The following CFAP54 variants were observed in gnomAD, a reference collection of about 807,000 sequenced individuals.
The protein encoded by CFAP54 is cilia and flagella associated protein 54, also known as cilia- and flagella-associated protein 54.
CFAP54 carries 290 observed loss-of-function variants against 370.4 expected under a neutral mutation model. The observed-to-expected ratio is 0.78, with a 90% confidence interval of 0.71 to 0.86. CFAP54 has a LOEUF of 0.86. Ranked by LOEUF, CFAP54 falls within the 40% of genes least tolerant of loss-of-function variation. The probability of loss-of-function intolerance (pLI) is 0.00; values close to 1 mark genes in which losing one functional copy is unlikely to be tolerated. For synonymous variants in CFAP54, 1,206 were observed against 1,236.5 expected (o/e 0.98, Z 0.52); for missense variants, 3,399 against 3,528.7 (o/e 0.96, Z 0.93).
At chr12:96,677,441 A>G (rs557661542) in intron 39 of CFAP54, among the ~76,000 whole-genome samples, 4 of 152,230 alleles carry the variant, frequency 2.6e-5, no homozygotes, top group African/African-American at 7.2e-5. Context: ...GATAAAAGCC[A>G]AGCTCATGAA....
At chr12:96,859,421 G>GT (rs71078430) in intron 66 of CFAP54, among the ~76,000 whole-genome samples, 2,386 of 147,438 alleles carry the variant, frequency 0.016, 38 homozygotes, top group African/African-American at 0.037. Context: ...TTTGTTTTTT[G>GT]TTTTTTTTTT....
intron 2 of CFAP54, among the ~76,000 whole-genome samples, chr12:96,503,427 C>G (rs921053625): frequency 7.1e-6 from 1 of 140,578 alleles, no homozygotes; most frequent in African/African-American, 2.6e-5. Context: ...CTCCCTCCCT[C>G]CCTTCCTTCT....
intron 66 of CFAP54, among the ~76,000 whole-genome samples, chr12:96,852,902 A>G (rs1175966709): frequency 6.6e-6 from 1 of 152,140 alleles, no homozygotes; most frequent in Non-Finnish European, 1.5e-5. Flanking sequence ...TTAAAAACAT[A>G]GTATGGTGGT....
chr12:96,584,827 G>A (rs1207809824), intron 22 of CFAP54, among the ~76,000 whole-genome samples: 7 of 152,104 alleles, frequency 4.6e-5, no homozygotes, highest in East Asian at 1.9e-4. Context: ...CACCCTGTGC[G>A]TCTGCTTTCT....
intron 32 of CFAP54, among the ~76,000 whole-genome samples, chr12:96,635,372 A>G (rs115270579): frequency 0.012 from 1,796 of 152,236 alleles, 36 homozygotes; most frequent in African/African-American, 0.041. Context: ...TGATCGTGCG[A>G]TAAACTACAT....
chr12:96,794,918 G>T (rs768022415), intron 63 of CFAP54, among the ~76,000 whole-genome samples: 21 of 152,158 alleles, frequency 1.4e-4, no homozygotes, highest in Non-Finnish European at 2.5e-4. Context: ...AGATTCTTTT[G>T]TCCCATGGGG....
chr12:96,649,476 C>G (rs750392997), intron 34 of CFAP54, among the ~76,000 whole-genome samples: 2 of 152,010 alleles, frequency 1.3e-5, no homozygotes, highest in African/African-American at 4.8e-5. Flanking sequence ...GAGGGGAATG[C>G]GTGGCCGAGG....
intron 5 of CFAP54, among the ~76,000 whole-genome samples, chr12:96,514,242 C>T (rs1955206033): frequency 6.6e-6 from 1 of 152,104 alleles, no homozygotes; most frequent in South Asian, 2.1e-4. Flanking sequence ...CTTATTTCCT[C>T]AAAGCATAGC....
At position 96,657,863 on chromosome 12, in the gene CFAP54, TTC is replaced by T. The variant is rs748720918; in HGVS notation, c.5101-18_5101-17del. 6.7e-7 allele frequency: 1 copy of T among 1,491,946 alleles called. No homozygotes were observed. The highest frequency in any genetic ancestry group is 2.3e-5 in the East Asian group (1 of 43,448). The allele number at this position is 1,491,946 out of a possible 1,614,324, so 92.4% of individuals were successfully genotyped here. On this transcript the variant is annotated splice_polypyrimidine_tract_variant and intron_variant, in intron 36 of 67. Coordinates refer to ENST00000524981, the MANE Select transcript of CFAP54 (RefSeq NM_001306084.2). ...AAATCTGAAATTACACATTTTTTTT[TTC>T]ACTGTGCTACTTGCAGCCTATTGAA...
At chr12:96,520,943 T>C (rs1046732021) in intron 6 of CFAP54, among the ~76,000 whole-genome samples, 1 of 152,234 alleles carries the variant, frequency 6.6e-6, no homozygotes, top group Non-Finnish European at 1.5e-5. Flanking sequence ...AATTTAACCT[T>C]CACGGGTTAC....
At chr12:96,681,884 C>T (rs1176738818) in intron 40 of CFAP54, among the ~76,000 whole-genome samples, 1 of 152,054 alleles carries the variant, frequency 6.6e-6, no homozygotes, top group East Asian at 1.9e-4. Context: ...TAGGTGTGAG[C>T]CATTGTGCCC....
chr12:96,725,152 G>A (rs1011523041), intron 50 of CFAP54, among the ~76,000 whole-genome samples: 11 of 151,698 alleles, frequency 7.3e-5, no homozygotes, highest in Non-Finnish European at 7.4e-5. Flanking sequence ...TTGACTTGGC[G>A]ATGCGGGCTC....
intron 50 of CFAP54, among the ~76,000 whole-genome samples, chr12:96,736,765 G>A (rs182800874): frequency 2.0e-5 from 3 of 152,270 alleles, no homozygotes; most frequent in South Asian, 2.1e-4. Flanking sequence ...GAGGCCCATT[G>A]ATATTGATGA....
chr12:96,608,459 C>CTTT (rs5800258), intron 26 of CFAP54, among the ~76,000 whole-genome samples: 5,637 of 106,914 alleles, frequency 0.053, 711 homozygotes, highest in Non-Finnish European at 0.068. Flanking sequence ...CATAGTAGGA[C>CTTT]TTTTTTTTTT....
intron 39 of CFAP54, among the ~76,000 whole-genome samples, chr12:96,667,701 T>C (rs1441551025): frequency 6.6e-6 from 1 of 152,216 alleles, no homozygotes; most frequent in East Asian, 1.9e-4. Flanking sequence ...CGAAGGTCTC[T>C]AACATGATGT....
chr12:96,564,513 C>G lies in CFAP54; in HGVS notation c.2456C>G (p.Pro819Arg). Reference protein sequence around the residue: ...TVSKDISTKGPEKLKQSGSTD... With the variant: ...TVSKDISTKGREKLKQSGSTD... ...AGCAAAGATATTTCTACCAAGGGTC[C>G]GGAAAAGTTAAAACAATCTGGAAGC... Residue 819 changes from proline (P) to arginine (R), a missense_variant, in exon 18 of 68, where the codon CCG becomes CGG. Pro to Arg is a moderately radical substitution (Grantham distance 103, BLOSUM62 -2). Around this residue, in one of 3 missense-constraint regions of CFAP54, gnomAD observed 2,796 missense variants for 2,869.7 expected, o/e 0.97. Coordinates refer to ENST00000524981, the MANE Select transcript of CFAP54 (RefSeq NM_001306084.2). 1.4e-6 allele frequency: 1 copy of G among 698,554 alleles called. No homozygotes were observed. Among genetic ancestry groups the G allele is most frequent in the Non-Finnish European group, 2.6e-6 (1 of 382,724 alleles). The allele number at this position is 698,554 out of a possible 1,614,324, so 43.3% of individuals were successfully genotyped here.
intron 3 of CFAP54, among the ~76,000 whole-genome samples, chr12:96,504,612 T>G (rs1467605750): frequency 6.6e-6 from 1 of 152,150 alleles, no homozygotes; most frequent in African/African-American, 2.4e-5. Flanking sequence ...AAATGGAAGT[T>G]TATTAGCCCA....
intron 23 of CFAP54, among the ~76,000 whole-genome samples, chr12:96,590,599 T>G (rs917071092): frequency 3.9e-5 from 6 of 152,224 alleles, no homozygotes; most frequent in African/African-American, 1.4e-4. Flanking sequence ...ATTTTCTATG[T>G]ACAAGGATGC....
intron 65 of CFAP54, among the ~76,000 whole-genome samples, chr12:96,824,150 G>A (rs150603399): frequency 6.6e-6 from 1 of 152,138 alleles, no homozygotes; most frequent in Non-Finnish European, 1.5e-5. Context: ...CAGCATGCGT[G>A]CATCCAACCG....
Sources: gnomAD v4.1 joint callset for allele counts (sites outside exome capture counted in the v4.1 genomes callset) on GRCh38, gnomAD v4.1.1 for gene constraint, gnomAD v4.1.1 regional missense constraint, MANE v1.5 for transcripts, NCBI Gene and HGNC (gene_info 2026-07-23, HGNC 2026-07-21) for gene names.